GRM8: variants seen among roughly 807,000 people sequenced by gnomAD.
The protein encoded by GRM8 is glutamate metabotropic receptor 8, also known as metabotropic glutamate receptor 8.
GRM8 carries 47 observed loss-of-function variants against 87.2 expected under a neutral mutation model. The observed-to-expected ratio is 0.54, with a 90% confidence interval of 0.43 to 0.69. GRM8 has a LOEUF of 0.69. Ranked by LOEUF, GRM8 falls within the 30% of genes least tolerant of loss-of-function variation. The pLI is 0.00. For missense variants in GRM8, 1,019 were observed against 1,139.2 expected (o/e 0.89, Z 1.52); for synonymous variants, 396 against 404.5 (o/e 0.98, Z 0.25).
intron 7 of GRM8, among the ~76,000 whole-genome samples, chr7:126,761,893 A>C (rs1817619714): frequency 6.6e-6 from 1 of 152,196 alleles, no homozygotes; most frequent in Non-Finnish European, 1.5e-5. Context: ...ATTAGATGTC[A>C]CTTGCTCTCT....
In GRM8 at chr7:127,243,019, C is replaced by G. The variant is rs572965493; in HGVS notation, c.186G>C (p.Val62=). 2 of 1,614,022 alleles carry G rather than the reference C, an allele frequency of 1.2e-6. No individual in the cohort carries two copies. The highest frequency in any genetic ancestry group is 3.3e-5 in the Admixed American group (2 of 60,014). Residue 62 remains valine, a synonymous_variant, in exon 2 of 11, where the codon GTG becomes GTC. Coordinates refer to ENST00000339582, the MANE Select transcript of GRM8 (RefSeq NM_000845.3). ...FPVHAKGERG[V]PCGELKKEKG... is the part of the protein sequence containing the mutation. ...TTTCCTTCTTCAGCTCCCCACAAGG[C>G]ACCCCTCTCTCTCCCTTTGCGTGGA... is the stretch of plus-strand genomic sequence containing the variant.
At chr7:126,571,810 G>A (rs1177048034) in intron 8 of GRM8, among the ~76,000 whole-genome samples, 4 of 150,076 alleles carry the variant, frequency 2.7e-5, no homozygotes, top group Admixed American at 2.0e-4. Flanking sequence ...GCATGATCTC[G>A]GCTCACTGCA....
intron 7 of GRM8, among the ~76,000 whole-genome samples, chr7:126,630,339 A>C (rs1324159576): frequency 1.3e-5 from 2 of 152,180 alleles, no homozygotes; most frequent in African/African-American, 4.8e-5. Context: ...GAAGAAATTG[A>C]ATCCCTGACT....
chr7:127,144,884 C>T lies in GRM8; in HGVS notation c.511-38172G>A, dbSNP rs753079803. Among the ~76,000 whole-genome samples the T allele has an allele frequency of 2.6e-5, 4 of 151,834 alleles. 1 individual carries two copies. Among genetic ancestry groups the T allele is most frequent in the Non-Finnish European group, 4.4e-5 (3 of 67,938 alleles). On this transcript the variant is annotated intron_variant, in intron 2 of 10. Coordinates refer to ENST00000339582, the MANE Select transcript of GRM8 (RefSeq NM_000845.3). Reference sequence around the variant, plus strand: ...AGATTTCCTTTCTGCGGTTAAAGTGCTAATTTCCTACAGATCGGTTATCTA... The same window carrying T: ...AGATTTCCTTTCTGCGGTTAAAGTGTTAATTTCCTACAGATCGGTTATCTA...
chr7:126,943,174 T>G (rs1288768407), intron 3 of GRM8, among the ~76,000 whole-genome samples: 4 of 152,140 alleles, frequency 2.6e-5, no homozygotes, highest in Non-Finnish European at 4.4e-5. Flanking sequence ...TTCAGAAACA[T>G]CTGAAGAAAC....
At chr7:126,616,609 C>T (rs531588141) in intron 7 of GRM8, among the ~76,000 whole-genome samples, 2 of 152,036 alleles carry the variant, frequency 1.3e-5, no homozygotes, top group Admixed American at 6.6e-5. Context: ...AAAAGATCAA[C>T]AAAATTGATA....
intron 6 of GRM8, among the ~76,000 whole-genome samples, chr7:126,882,387 T>C (rs557994534): frequency 1.3e-5 from 2 of 152,280 alleles, no homozygotes; most frequent in African/African-American, 4.8e-5. Flanking sequence ...AATACTCTAT[T>C]TGTCTGTATC....
At chr7:127,178,941 A>C (rs1794275616) in intron 2 of GRM8, among the ~76,000 whole-genome samples, 1 of 152,150 alleles carries the variant, frequency 6.6e-6, no homozygotes. Context: ...GTTAAGAAGC[A>C]AAACAAAAAG....
intron 3 of GRM8, among the ~76,000 whole-genome samples, chr7:126,926,140 C>A (rs1272096524): frequency 6.6e-6 from 1 of 152,010 alleles, no homozygotes; most frequent in Non-Finnish European, 1.5e-5. Flanking sequence ...TCCCATCATA[C>A]TATGTAAGTG....
rs113057067 is a variant in GRM8, at chr7:127,008,782, T to A, written c.727+97714A>T. Among the ~76,000 whole-genome samples, 148 of 152,224 alleles carry A rather than the reference T, an allele frequency of 9.7e-4. 1 individual carries two copies. Among genetic ancestry groups the A allele is most frequent in the African/African-American group, 3.5e-3 (145 of 41,566 alleles). ...TCAATCATTGGTCATGACAGTATAT[T>A]CTATATAGTTGAAGGCTGCTTTCTA... On this transcript the variant is annotated intron_variant, in intron 3 of 10. Transcript: ENST00000339582.
chr7:127,116,922 G>A (rs1050711917), intron 2 of GRM8, among the ~76,000 whole-genome samples: 5 of 152,156 alleles, frequency 3.3e-5, no homozygotes, highest in Non-Finnish European at 7.3e-5. Flanking sequence ...AAAATGCTAC[G>A]TAATTTATCA....
intron 3 of GRM8, among the ~76,000 whole-genome samples, chr7:126,987,665 A>G (rs1433336543): frequency 3.9e-5 from 6 of 151,914 alleles, no homozygotes; most frequent in Middle Eastern, 6.3e-3. Flanking sequence ...GGGTTTCACC[A>G]TGTTAGCCAG....
At chr7:126,958,693 G>A (rs1809001219) in intron 3 of GRM8, among the ~76,000 whole-genome samples, 1 of 152,142 alleles carries the variant, frequency 6.6e-6, no homozygotes, top group Non-Finnish European at 1.5e-5. Flanking sequence ...GTAATACTCA[G>A]GCAGAAGGCA....
At position 127,216,535 on chromosome 7, in the gene GRM8, C is replaced by CAAAA. The variant is rs796757040; in HGVS notation, c.510+26156_510+26159dup. On this transcript the variant is annotated intron_variant, in intron 2 of 10. Coordinates refer to ENST00000339582, the MANE Select transcript of GRM8 (RefSeq NM_000845.3). ...TCCGTCTCAAAAAAAAAAAAAAAAA[C>CAAAA]AAAAAAAAAAAAAGAAGAAGCTGAG... is the stretch of plus-strand genomic sequence containing the variant. Among the ~76,000 whole-genome samples the CAAAA allele has an allele frequency of 7.8e-4, 90 of 115,982 alleles. 2 individuals are homozygous for CAAAA. The South Asian group carries it at 0.025, about 32-fold the overall frequency. The allele number at this position is 115,982 out of a possible 152,430, so 76.1% of individuals were successfully genotyped here.
intron 8 of GRM8, among the ~76,000 whole-genome samples, chr7:126,562,201 G>C (rs1793783438): frequency 6.6e-6 from 1 of 152,148 alleles, no homozygotes; most frequent in Non-Finnish European, 1.5e-5. Flanking sequence ...AAAGTGGAGA[G>C]AGATAAAGTG....
intron 3 of GRM8, among the ~76,000 whole-genome samples, chr7:127,033,399 T>C (rs187451269): frequency 1.7e-4 from 26 of 152,194 alleles, no homozygotes; most frequent in African/African-American, 6.3e-4. Context: ...AGGACACCTA[T>C]ATCTCTAGTA....
At chr7:127,040,069 AGATGGGT>A (rs1818277267) in intron 3 of GRM8, among the ~76,000 whole-genome samples, 9 of 1,740 alleles carry the variant, frequency 5.2e-3, no homozygotes, top group African/African-American at 0.026. Context: ...GAAGAAGGGG[AGATGGGT>A]GGGGGAGGAG....
chr7:127,104,940 A>G (rs894220478), intron 3 of GRM8, among the ~76,000 whole-genome samples: 10 of 152,160 alleles, frequency 6.6e-5, no homozygotes, highest in Non-Finnish European at 1.3e-4. Flanking sequence ...CCTGTTTTGA[A>G]TTTTTTATAG....
chr7:127,070,241 T>C (rs1316045378), intron 3 of GRM8, among the ~76,000 whole-genome samples: 1 of 152,198 alleles, frequency 6.6e-6, no homozygotes, highest in Non-Finnish European at 1.5e-5. Flanking sequence ...TATGTGTGTA[T>C]CTGTCGACAA....
Sources: gnomAD v4.1 joint callset for allele counts (sites outside exome capture counted in the v4.1 genomes callset) on GRCh38, gnomAD v4.1.1 for gene constraint, MANE v1.5 for transcripts, NCBI Gene and HGNC (gene_info 2026-07-23, HGNC 2026-07-21) for gene names.